RGS6: variants seen among roughly 807,000 people sequenced by gnomAD.
RGS6 encodes regulator of G protein signaling 6.
Under a neutral mutation model 78.5 loss-of-function variants are expected in RGS6, and 30 were observed. The observed-to-expected ratio is 0.38, with a 90% CI of 0.29 to 0.52. RGS6 has a LOEUF of 0.52. RGS6 is among the 20% of genes least tolerant of loss of function. The probability of loss-of-function intolerance (pLI) is 0.85; values close to 1 mark genes in which losing one functional copy is unlikely to be tolerated. For missense variants in RGS6, 495 were observed against 609.7 expected (o/e 0.81, Z 1.98); for synonymous variants, 206 against 206.0 (o/e 1.00, Z 0.00).
At chr14:72,382,628 A>G (rs1292735950) in intron 3 of RGS6, among the ~76,000 whole-genome samples, 1 of 152,196 alleles carries the variant, frequency 6.6e-6, no homozygotes, top group Non-Finnish European at 1.5e-5. Flanking sequence ...TGTGCAAGTG[A>G]TTGAAGACAC....
intron 2 of RGS6, among the ~76,000 whole-genome samples, chr14:72,338,930 A>AT (rs1236619377): frequency 3.3e-5 from 5 of 152,210 alleles, no homozygotes; most frequent in Non-Finnish European, 7.3e-5. Flanking sequence ...GCCCTGAGAG[A>AT]TTTTGCCTGC....
At chr14:72,440,306 C>T (rs2095135697) in intron 3 of RGS6, among the ~76,000 whole-genome samples, 1 of 152,156 alleles carries the variant, frequency 6.6e-6, no homozygotes, top group Non-Finnish European at 1.5e-5. Flanking sequence ...GCGCTCAGAC[C>T]CTCTTTGCTT....
intron 2 of RGS6, among the ~76,000 whole-genome samples, chr14:72,061,130 G>A (rs1422669417): frequency 6.6e-6 from 1 of 152,182 alleles, no homozygotes; most frequent in Non-Finnish European, 1.5e-5. Flanking sequence ...AGTGTTGCAA[G>A]CTTTAAGAGC....
chr14:72,212,160 C>T (rs1431686505), intron 2 of RGS6, among the ~76,000 whole-genome samples: 1 of 152,112 alleles, frequency 6.6e-6, no homozygotes, highest in East Asian at 1.9e-4. Context: ...ACCGGCAGTA[C>T]CCTCCAGACT....
At chr14:71,877,218 G>A in the RGS6 span, among the ~76,000 whole-genome samples, 1 of 152,144 alleles carries the variant, frequency 6.6e-6, no homozygotes, top group Middle Eastern at 3.2e-3. Flanking sequence ...TTGAATGTTG[G>A]CCTGCCTTGC....
At chr14:72,260,862 T>C (rs940097370) in intron 2 of RGS6, among the ~76,000 whole-genome samples, 1 of 152,200 alleles carries the variant, frequency 6.6e-6, no homozygotes. Context: ...TGTTCAGTGG[T>C]TGACAAGCTC....
intron 2 of RGS6, among the ~76,000 whole-genome samples, chr14:72,029,211 A>G (rs2090435008): frequency 2.0e-5 from 3 of 152,202 alleles, no homozygotes; most frequent in South Asian, 2.1e-4. Context: ...GCCCCGTAGT[A>G]TAGTTTCAAA....
At chr14:71,984,469 A>T (rs752272302) in intron 2 of RGS6, among the ~76,000 whole-genome samples, 1 of 133,328 alleles carries the variant, frequency 7.5e-6, no homozygotes, top group Non-Finnish European at 1.6e-5. Flanking sequence ...ATATAGTGAG[A>T]CCCTGTCTCA....
rs187380205 is a variant in RGS6, at chr14:72,062,933, C to T, written c.84+98058C>T. On this transcript the variant is annotated intron_variant, in intron 2 of 17. Transcript: ENST00000553525. ...CCTCTGCCACCCAGGTTCAAGCATT[C>T]GTGCCTCAGCCTCTGAGTAGCTGAG... 3.8e-3 allele frequency among the ~76,000 whole-genome samples: 583 copies of T among 152,238 alleles called. 1 individual carries two copies. The highest frequency in any genetic ancestry group is 0.014 in the African/African-American group (561 of 41,532).
At chr14:72,235,662 C>T (rs2050820269) in intron 2 of RGS6, among the ~76,000 whole-genome samples, 1 of 152,182 alleles carries the variant, frequency 6.6e-6, no homozygotes, top group South Asian at 2.1e-4. Context: ...AATGGTTGCT[C>T]CTTTGTAACG....
At chr14:71,930,859 C>A (rs2087808413), upstream of RGS6, among the ~76,000 whole-genome samples, 1 of 151,718 alleles carries the variant, frequency 6.6e-6, no homozygotes, top group East Asian at 1.9e-4. Context: ...CACCTGTAAT[C>A]CCAGCTACTT....
chr14:71,977,569 T>A (rs1052824988), intron 2 of RGS6, among the ~76,000 whole-genome samples: 2 of 150,552 alleles, frequency 1.3e-5, no homozygotes, highest in African/African-American at 4.9e-5. Flanking sequence ...GATCAGATAG[T>A]TGTAGATATG....
intron 2 of RGS6, among the ~76,000 whole-genome samples, chr14:72,125,721 C>G (rs2096174210): frequency 6.6e-6 from 1 of 152,078 alleles, no homozygotes; most frequent in African/African-American, 2.4e-5. Flanking sequence ...CAGACATAGT[C>G]AAAATTCATG....
chr14:72,240,885 G>A (rs769070819), intron 2 of RGS6, among the ~76,000 whole-genome samples: 33 of 152,226 alleles, frequency 2.2e-4, no homozygotes, highest in East Asian at 7.7e-4. Context: ...TTGGCCAGGC[G>A]CGGTGGCTCA....
intron 8 of RGS6, among the ~76,000 whole-genome samples, chr14:72,472,247 G>C (rs1001861386): frequency 6.6e-6 from 1 of 151,324 alleles, no homozygotes; most frequent in African/African-American, 2.4e-5. Flanking sequence ...ATCTGTCTTT[G>C]TCACCTGCAA....
intron 2 of RGS6, among the ~76,000 whole-genome samples, chr14:72,030,597 A>G (rs2090692943): frequency 7.2e-6 from 1 of 137,990 alleles, no homozygotes; most frequent in South Asian, 2.1e-4. Context: ...CATAATTGTT[A>G]AGGTGTAGGC....
chr14:72,458,114 G>A (rs1282491343), intron 4 of RGS6, among the ~76,000 whole-genome samples, 157 bp from the exon 5 acceptor site: 1 of 152,052 alleles, frequency 6.6e-6, no homozygotes, highest in Non-Finnish European at 1.5e-5. Context: ...CCAGCCATTG[G>A]CATCTCCCCT....
the RGS6 span, among the ~76,000 whole-genome samples, chr14:71,884,555 G>A: frequency 1.8e-3 from 279 of 152,250 alleles, 1 homozygote; most frequent in Non-Finnish European, 2.9e-3. Context: ...AGGGAGAATA[G>A]CATGAGTAAG....
chr14:72,530,497 G>A (rs1273793229), intron 15 of RGS6, among the ~76,000 whole-genome samples: 1 of 152,144 alleles, frequency 6.6e-6, no homozygotes, highest in African/African-American at 2.4e-5. Context: ...AGACCAGCCT[G>A]GCCAACATGG....
Sources: allele counts gnomAD v4.1 joint callset (sites outside exome capture counted in the v4.1 genomes callset), GRCh38; gene constraint gnomAD v4.1.1; transcripts MANE v1.5; gene names NCBI Gene and HGNC (gene_info 2026-07-23, HGNC 2026-07-21).